RNF19B: variants seen among roughly 807,000 people sequenced by gnomAD.
RNF19B encodes ring finger protein 19B.
RNF19B carries 23 observed loss-of-function variants against 65.5 expected under a neutral mutation model. The observed-to-expected ratio is 0.35, with a 90% confidence interval of 0.25 to 0.50. The LOEUF (loss-of-function observed/expected upper bound fraction) is 0.50. Ranked by LOEUF, RNF19B falls within the 20% of genes least tolerant of loss-of-function variation. The probability of loss-of-function intolerance (pLI) is 0.98; values close to 1 mark genes in which losing one functional copy is unlikely to be tolerated. For missense variants in RNF19B, 794 were observed against 980.0 expected, an observed-to-expected ratio of 0.81 and a Z score of 2.53; for synonymous variants, 372 against 379.6, an observed-to-expected ratio of 0.98 and a Z score of 0.23.
chr1:32,963,948 T>TG (rs1642835194), intron 1 of RNF19B, 103 bp downstream of exon 1: 4 of 1,349,926 alleles, frequency 3.0e-6, no homozygotes, highest in Admixed American at 4.0e-5. Flanking sequence ...GCTGCCGCCT[T>TG]GCGGGTTTCC....
At chr1:32,948,113 G>A (rs1642410137) in intron 3 of RNF19B, 109 bp downstream of exon 3, 1 of 1,184,866 alleles carries the variant, frequency 8.4e-7, no homozygotes, top group South Asian at 1.6e-5. Context: ...AGTTTTCACA[G>A]CTTCCTTAAA....
intron 1 of RNF19B, among the ~76,000 whole-genome samples, chr1:32,957,382 T>C (rs1245265976): frequency 6.6e-6 from 1 of 152,228 alleles, no homozygotes; most frequent in Non-Finnish European, 1.5e-5. Context: ...GTATTTTCTT[T>C]AGTATTTATC....
intron 1 of RNF19B, among the ~76,000 whole-genome samples, chr1:32,959,737 A>G (rs1642724780): frequency 6.6e-6 from 1 of 152,148 alleles, no homozygotes; most frequent in Non-Finnish European, 1.5e-5. Context: ...TGTTCTTAGT[A>G]TATTAAATAA....
At chr1:32,933,497 C>T (rs1019653647), downstream of RNF19B, among the ~76,000 whole-genome samples, 5 of 152,218 alleles carry the variant, frequency 3.3e-5, no homozygotes, top group Middle Eastern at 3.4e-3. Context: ...CCTTGTGAGC[C>T]GCCCGCCTCA....
intron 7 of RNF19B, among the ~76,000 whole-genome samples, chr1:32,941,780 A>G (rs1478657544): frequency 6.6e-6 from 1 of 151,712 alleles, no homozygotes; most frequent in African/African-American, 2.4e-5. Context: ...CTTTTTTTCT[A>G]AGCTTGTTTC....
downstream of RNF19B, among the ~76,000 whole-genome samples, chr1:32,934,982 C>T (rs1005421533): frequency 3.4e-5 from 5 of 147,446 alleles, no homozygotes; most frequent in Non-Finnish European, 7.5e-5. Flanking sequence ...CAGGTGTGCG[C>T]CACCACGCCC....
At chr1:32,943,632 C>T (rs1314447030) in intron 6 of RNF19B, among the ~76,000 whole-genome samples, 1 of 151,986 alleles carries the variant, frequency 6.6e-6, no homozygotes, top group African/African-American at 2.4e-5. Context: ...AAAGAAATTC[C>T]CATTTAAATG....
chr1:32,955,533 C>G lies in RNF19B; in HGVS notation c.636-5759G>C, dbSNP rs377240128. 5.5e-4 allele frequency among the ~76,000 whole-genome samples: 84 copies of G among 151,378 alleles called. 1 individual carries two copies. Among genetic ancestry groups the G allele is most frequent in the African/African-American group, 2.0e-3 (82 of 41,300 alleles). On this transcript the variant is annotated intron_variant, in intron 1 of 8. Coordinates refer to ENST00000235150, the MANE Select transcript of RNF19B (RefSeq NM_001300826.2). ...TTGCTTGAGCTCAGGAGTTCGAGAC[C>G]AGTCTGGGCAACATGGCAAAACCCC...
chr1:32,934,288 A>C (rs1642063432), downstream of RNF19B, among the ~76,000 whole-genome samples: 1 of 152,222 alleles, frequency 6.6e-6, no homozygotes, highest in South Asian at 2.1e-4. Flanking sequence ...CTGTGAAAGG[A>C]AACAGAAAGT....
At chr1:32,947,516 G>C (rs1375789384) in intron 3 of RNF19B, among the ~76,000 whole-genome samples, 6 of 152,066 alleles carry the variant, frequency 3.9e-5, no homozygotes, top group Non-Finnish European at 8.8e-5. Flanking sequence ...AAAATTAGCT[G>C]GGCATGGTGG....
Position 32,964,562 on chromosome 1 carries a change from A to C in RNF19B, c.124T>G (p.Ser42Ala). Residue 42 changes from serine to alanine, a missense_variant, in exon 1 of 9, where the codon TCG becomes GCG. Physicochemically the swap from Ser to Ala is moderately conservative, Grantham distance 99. Transcript: ENST00000235150. The surrounding 1 kb of genome is among the most constrained non-coding windows in gnomAD (Gnocchi z 6.5). ...GCCCGGGCGCGGCGGCCGCGGGCCG[A>C]GGCAGAGAAGACGCTGTGCAAGGTG... is the stretch of plus-strand genomic sequence containing the variant. ...RLTLHSVFSA[S>A]ARGRRARAKP... 2 of 1,370,620 alleles carry C rather than the reference A, an allele frequency of 1.5e-6. No individual in the cohort carries two copies. 84.9% of individuals were successfully genotyped at this position (1,370,620 alleles called of 1,614,324 possible).
Position 32,936,902 on chromosome 1 carries a change from G to A in RNF19B, c.2100C>T (p.Ala700=), listed in dbSNP as rs899279352. 2.5e-6 allele frequency: 4 copies of A among 1,613,930 alleles called. No homozygotes were observed. Among genetic ancestry groups the A allele is most frequent in the African/African-American group, 2.7e-5 (2 of 74,882 alleles). ...GGGCACTTGGGCTCGGTGCACCTTG[G>A]GCTCTGGGGGTCGAGGGGCAGGCTG... ...HTAACPSTPR[A]QGAPSPSAHM... is the part of the protein sequence containing the mutation. The change falls in exon 9 of 9, where the codon GCC becomes GCT. Residue 700 remains alanine, a synonymous_variant. Transcript: ENST00000235150.
intron 8 of RNF19B, 45 bp from the exon 9 acceptor site, chr1:32,937,304 C>T: frequency 6.2e-7 from 1 of 1,610,754 alleles, no homozygotes; most frequent in Non-Finnish European, 8.5e-7. Context: ...ATGGATCATG[C>T]TAAACCTGTT....
chr1:32,942,141 A>G, intron 7 of RNF19B, 111 bp downstream of exon 7: 2 of 898,194 alleles, frequency 2.2e-6, no homozygotes, highest in Non-Finnish European at 3.4e-6. Context: ...ACCATTGACA[A>G]TTAAATCAAA....
chr1:32,947,163 T>C (rs1642385246), intron 3 of RNF19B, among the ~76,000 whole-genome samples: 2 of 152,172 alleles, frequency 1.3e-5, no homozygotes, highest in African/African-American at 4.8e-5. Context: ...ATTTTGAAAA[T>C]AGGGATCATG....
At position 32,942,261 on chromosome 1, in the gene RNF19B, T is replaced by A; in HGVS notation, c.1601A>T (p.Lys534Ile). Residue 534 changes from lysine to isoleucine, a missense_variant, in exon 7 of 9, where the codon AAA (lysine) becomes ATA (isoleucine). Transcript: ENST00000235150. ...SGGILSSGKGKYSRLEVQADV... is the reference protein window; with the variant it reads ...SGGILSSGKGIYSRLEVQADV... The stretch of plus-strand genomic sequence containing the variant: ...TTATCTATTTGTTTACCTGCTATAT[T>A]TTCCCTTGCCACTGGAGAGAATGCC... The A allele has an allele frequency of 6.2e-7, 1 of 1,606,928 alleles. No homozygotes were observed. The highest frequency in any genetic ancestry group is 8.5e-7 in the Non-Finnish European group (1 of 1,174,040).
chr1:32,943,811 T>C (rs1370368333), intron 6 of RNF19B, among the ~76,000 whole-genome samples: 4 of 152,184 alleles, frequency 2.6e-5, no homozygotes, highest in African/African-American at 9.7e-5. Context: ...TCCTACTAGT[T>C]TGTACCTGCC....
chr1:32,961,513 A>G lies in RNF19B; in HGVS notation c.635+2538T>C, dbSNP rs1642768332. Among the ~76,000 whole-genome samples, 3 of 152,122 alleles carry G rather than the reference A, an allele frequency of 2.0e-5. No homozygotes were observed. The South Asian group carries it at 6.2e-4, about 31-fold the overall frequency. ...TTCCTCATTTATAAAACTATATCAAACCTAAACCTATCTCACAAGGTTGTA... is the reference window on the plus strand; with the variant it reads ...TTCCTCATTTATAAAACTATATCAAGCCTAAACCTATCTCACAAGGTTGTA... On this transcript the variant is annotated intron_variant, in intron 1 of 8. Transcript: ENST00000235150.
chr1:32,957,196 G>C (rs1398016627), intron 1 of RNF19B, among the ~76,000 whole-genome samples: 3 of 152,090 alleles, frequency 2.0e-5, no homozygotes, highest in African/African-American at 7.2e-5. Flanking sequence ...TCCCAGGTAT[G>C]GGGTCTTGCT....
Sources: gnomAD v4.1 joint callset for allele counts (sites outside exome capture counted in the v4.1 genomes callset) on GRCh38, gnomAD v4.1.1 for gene constraint, Gnocchi (gnomAD v3.1) non-coding constraint, MANE v1.5 for transcripts, NCBI Gene and HGNC (gene_info 2026-07-23, HGNC 2026-07-21) for gene names.